Variants in TMEM178B observed in about 807,000 individuals in gnomAD.
TMEM178B encodes transmembrane protein 178B.
A neutral mutation model predicts 31.0 loss-of-function variants in TMEM178B; 5 were observed. The ratio of observed to expected loss-of-function variants is 0.16; its 90% CI spans 0.08 to 0.34. The LOEUF is 0.34. Ranked by LOEUF, TMEM178B falls within the 10% of genes least tolerant of loss-of-function variation. The pLI is 1.00. For missense variants in TMEM178B, 275 were observed against 400.3 expected (o/e 0.69, Z 2.67); for synonymous variants, 164 against 164.0 (o/e 1.00, Z 0.00).
intron 2 of TMEM178B, among the ~76,000 whole-genome samples, chr7:141,251,135 A>G (rs1797826604): frequency 6.6e-6 from 1 of 152,032 alleles, no homozygotes. Context: ...GTGATGAGTG[A>G]GAGAACTCCT....
At chr7:141,097,314 C>T (rs71543395) in intron 1 of TMEM178B, among the ~76,000 whole-genome samples, 34 of 141,842 alleles carry the variant, frequency 2.4e-4, no homozygotes, top group Non-Finnish European at 4.3e-4. Flanking sequence ...TGCAGTGAGC[C>T]GAGATAGCAC....
chr7:141,427,008 G>T (rs1677269505), intron 2 of TMEM178B, among the ~76,000 whole-genome samples: 1 of 152,012 alleles, frequency 6.6e-6, no homozygotes, highest in African/African-American at 2.4e-5. Context: ...TACCCAAATG[G>T]GGTGAAAGAT....
intron 1 of TMEM178B, among the ~76,000 whole-genome samples, chr7:141,187,674 G>T (rs2129184620): frequency 6.6e-6 from 1 of 152,290 alleles, no homozygotes; most frequent in South Asian, 2.1e-4. Flanking sequence ...GTTTTGATTT[G>T]CATTTCTCTG....
At chr7:141,123,295 T>G (rs1056691776) in intron 1 of TMEM178B, among the ~76,000 whole-genome samples, 2 of 152,252 alleles carry the variant, frequency 1.3e-5, no homozygotes, top group Admixed American at 6.5e-5. Flanking sequence ...TCCCTTTATA[T>G]CTTCAGGCCT....
rs572759154 is a variant in TMEM178B, at chr7:141,150,255, G to A, written c.383-62336G>A. 4.6e-5 allele frequency among the ~76,000 whole-genome samples: 7 copies of A among 152,222 alleles called. No homozygotes were observed. The East Asian group carries it at 1.4e-3, about 29-fold the overall frequency. On this transcript the variant is annotated intron_variant, in intron 1 of 3. Coordinates refer to ENST00000565468, the MANE Select transcript of TMEM178B (RefSeq NM_001195278.2). Reference sequence around the variant, plus strand: ...GAGGAAGTTTCAGACAACCCTGAACGGCCTTGAAACATCCTAGTTTGGAAA... The same window carrying A: ...GAGGAAGTTTCAGACAACCCTGAACAGCCTTGAAACATCCTAGTTTGGAAA...
chr7:141,094,729 G>A (rs950995825), intron 1 of TMEM178B, among the ~76,000 whole-genome samples: 4 of 152,162 alleles, frequency 2.6e-5, no homozygotes, highest in African/African-American at 4.8e-5. Flanking sequence ...TAATTTAATA[G>A]CATCACTCTA....
At chr7:141,077,810 T>A (rs1794622503) in intron 1 of TMEM178B, among the ~76,000 whole-genome samples, 1 of 152,202 alleles carries the variant, frequency 6.6e-6, no homozygotes, top group Admixed American at 6.5e-5. Flanking sequence ...TGGGAAAATA[T>A]GAAACAGTGT....
In TMEM178B at chr7:141,086,918, C is replaced by T. The variant is rs186178359; in HGVS notation, c.382+12226C>T. Reference sequence around the variant, plus strand: ...GGCCGGGCTCTTATCGAACTCCTGACCTCAAGTGATCTGCCTTCCTTGGCC... The same window carrying T: ...GGCCGGGCTCTTATCGAACTCCTGATCTCAAGTGATCTGCCTTCCTTGGCC... On this transcript the variant is annotated intron_variant, in intron 1 of 3. Coordinates refer to ENST00000565468, the MANE Select transcript of TMEM178B (RefSeq NM_001195278.2). 6.6e-3 allele frequency among the ~76,000 whole-genome samples: 1,001 copies of T among 152,222 alleles called. 11 individuals are homozygous for T. Among genetic ancestry groups the T allele is most frequent in the African/African-American group, 0.023 (953 of 41,530 alleles).
chr7:141,462,139 G>A (rs1394904451), intron 3 of TMEM178B, among the ~76,000 whole-genome samples: 1 of 152,162 alleles, frequency 6.6e-6, no homozygotes, highest in East Asian at 1.9e-4. Flanking sequence ...AGCAGAGAGG[G>A]TAGCCAATTG....
At chr7:141,143,179 G>A (rs1439189025) in intron 1 of TMEM178B, among the ~76,000 whole-genome samples, 1 of 152,150 alleles carries the variant, frequency 6.6e-6, no homozygotes, top group African/African-American at 2.4e-5. Flanking sequence ...TGTTTACACC[G>A]TTGATAGTTT....
chr7:141,134,342 A>G (rs1034540241), intron 1 of TMEM178B, among the ~76,000 whole-genome samples: 6 of 152,216 alleles, frequency 3.9e-5, no homozygotes, highest in Admixed American at 1.3e-4. Context: ...TACTAAATCT[A>G]GTAAAGTTAG....
intron 2 of TMEM178B, among the ~76,000 whole-genome samples, chr7:141,281,456 T>G (rs1033329309): frequency 6.6e-6 from 1 of 152,156 alleles, no homozygotes; most frequent in Non-Finnish European, 1.5e-5. Context: ...TAGTCTCTAG[T>G]TGAGGACTGA....
intron 3 of TMEM178B, among the ~76,000 whole-genome samples, chr7:141,467,555 C>T (rs569636501): frequency 5.3e-5 from 8 of 152,274 alleles, no homozygotes; most frequent in South Asian, 2.1e-4. Context: ...CTGATGACCA[C>T]GGCAACCTCC....
intron 2 of TMEM178B, among the ~76,000 whole-genome samples, chr7:141,319,548 A>C (rs1554475180): frequency 6.6e-6 from 1 of 151,906 alleles, no homozygotes; most frequent in Non-Finnish European, 1.5e-5. Context: ...TGTATTCTTT[A>C]CTTTCTTTCT....
At chr7:141,418,099 T>C (rs888022380) in intron 2 of TMEM178B, among the ~76,000 whole-genome samples, 5 of 152,218 alleles carry the variant, frequency 3.3e-5, no homozygotes, top group African/African-American at 1.2e-4. Context: ...TCCCAGGTAT[T>C]AGGTTCATCC....
chr7:141,353,173 C>G (rs964307686), intron 2 of TMEM178B, among the ~76,000 whole-genome samples: 1 of 152,194 alleles, frequency 6.6e-6, no homozygotes, highest in Non-Finnish European at 1.5e-5. Flanking sequence ...TCACATCAAT[C>G]TCTCCTTCTC....
chr7:141,432,654 T>C (rs1801457766), intron 2 of TMEM178B, among the ~76,000 whole-genome samples: 1 of 152,242 alleles, frequency 6.6e-6, no homozygotes, highest in African/African-American at 2.4e-5. Flanking sequence ...TGTTTTTGTT[T>C]CACAGAGGCA....
At chr7:141,081,518 C>T (rs1379454997) in intron 1 of TMEM178B, among the ~76,000 whole-genome samples, 1 of 152,054 alleles carries the variant, frequency 6.6e-6, no homozygotes, top group Non-Finnish European at 1.5e-5. Flanking sequence ...TGCCTGTAAT[C>T]CCAGCTACTT....
At chr7:141,315,374 C>T (rs186785719) in intron 2 of TMEM178B, among the ~76,000 whole-genome samples, 2 of 152,286 alleles carry the variant, frequency 1.3e-5, no homozygotes, top group African/African-American at 4.8e-5. Context: ...TGAATCCACA[C>T]CTCCAGTCAA....
Sources: allele counts gnomAD v4.1 joint callset (sites outside exome capture counted in the v4.1 genomes callset), GRCh38; gene constraint gnomAD v4.1.1; transcripts MANE v1.5; gene names NCBI Gene and HGNC (gene_info 2026-07-23, HGNC 2026-07-21).